Variants in LDAH observed in about 807,000 individuals in gnomAD.
LDAH encodes the protein lipid droplet-associated hydrolase.
A neutral mutation model predicts 29.6 loss-of-function variants in LDAH; 26 were observed. The observed-to-expected ratio is 0.88, with a 90% CI of 0.64 to 1.22. The LOEUF is 1.22. Among genes scored for constraint, LDAH ranks in the 50% most tolerant of loss-of-function variants. The pLI is 0.00. For synonymous variants in LDAH, 117 were observed against 133.0 expected (o/e 0.88, Z 0.83); for missense variants, 344 against 387.3 (o/e 0.89, Z 0.94).
intron 1 of LDAH, among the ~76,000 whole-genome samples, chr2:20,809,491 G>A (rs1672323875): frequency 6.6e-6 from 1 of 152,096 alleles, no homozygotes; most frequent in Admixed American, 6.5e-5. Flanking sequence ...CAGAAGGCAA[G>A]TCACAGAGTG....
At chr2:20,694,930 G>A (rs1267515625) in intron 6 of LDAH, among the ~76,000 whole-genome samples, 1 of 152,226 alleles carries the variant, frequency 6.6e-6, no homozygotes, top group Non-Finnish European at 1.5e-5. Context: ...GCACTGAGAT[G>A]CTAACCCAGG....
chr2:20,724,439 C>T (rs572908279), intron 5 of LDAH, among the ~76,000 whole-genome samples: 1 of 152,266 alleles, frequency 6.6e-6, no homozygotes, highest in African/African-American at 2.4e-5. Flanking sequence ...CAGCAGGTAT[C>T]AGTAAGGAAG....
At chr2:20,703,509 C>T (rs1172818605) in intron 5 of LDAH, among the ~76,000 whole-genome samples, 1 of 152,206 alleles carries the variant, frequency 6.6e-6, no homozygotes, top group Non-Finnish European at 1.5e-5. Context: ...TCTATTCTTA[C>T]TTAAATAATA....
At chr2:20,787,335 C>G (rs1572630957) in intron 3 of LDAH, among the ~76,000 whole-genome samples, 1 of 129,048 alleles carries the variant, frequency 7.7e-6, no homozygotes, top group Admixed American at 7.6e-5. Flanking sequence ...ATTCTGTCAC[C>G]TAGGCTGGAG....
chr2:20,769,634 TATTCTA>T (rs1209598187), intron 4 of LDAH, among the ~76,000 whole-genome samples: 1 of 152,250 alleles, frequency 6.6e-6, no homozygotes, highest in Non-Finnish European at 1.5e-5. Context: ...TCTAACATGT[TATTCTA>T]ATTCTTTTAG....
chr2:20,741,629 C>T (rs1409583110), intron 4 of LDAH, among the ~76,000 whole-genome samples: 3 of 152,214 alleles, frequency 2.0e-5, no homozygotes, highest in Non-Finnish European at 4.4e-5. Context: ...CATTCTCCCA[C>T]TGCCCACCAC....
At chr2:20,757,197 T>G (rs1000824625) in intron 4 of LDAH, among the ~76,000 whole-genome samples, 2 of 152,242 alleles carry the variant, frequency 1.3e-5, no homozygotes. Flanking sequence ...TTTGCTGATT[T>G]GCAAGCAGTA....
At chr2:20,697,992 T>C (rs1663619729) in intron 6 of LDAH, among the ~76,000 whole-genome samples, 1 of 152,240 alleles carries the variant, frequency 6.6e-6, no homozygotes, top group African/African-American at 2.4e-5. Context: ...TGCTATTATA[T>C]CTCATTATCC....
intron 3 of LDAH, among the ~76,000 whole-genome samples, chr2:20,784,811 T>C (rs1670434169): frequency 6.6e-6 from 1 of 152,040 alleles, no homozygotes; most frequent in Admixed American, 6.6e-5. Context: ...CACCTGATCC[T>C]GGCAGGTTGA....
At chr2:20,734,641 G>A (rs1666655427) in intron 5 of LDAH, among the ~76,000 whole-genome samples, 1 of 152,102 alleles carries the variant, frequency 6.6e-6, no homozygotes. Context: ...AAGAGACAGT[G>A]CTATAATTTT....
At chr2:20,688,887 T>C (rs1173778076) in intron 6 of LDAH, among the ~76,000 whole-genome samples, 4 of 144,186 alleles carry the variant, frequency 2.8e-5, no homozygotes, top group Middle Eastern at 3.7e-3. Context: ...ATGTGCAGAG[T>C]GTGCAGGTTT....
At chr2:20,720,664 G>T (rs182337550) in intron 5 of LDAH, among the ~76,000 whole-genome samples, 6 of 152,014 alleles carry the variant, frequency 3.9e-5, no homozygotes, top group Admixed American at 3.9e-4. Flanking sequence ...AATTGCTAAG[G>T]AATCCTAAGG....
chr2:20,796,130 G>A (rs1671290961), intron 2 of LDAH, among the ~76,000 whole-genome samples: 1 of 152,152 alleles, frequency 6.6e-6, no homozygotes, highest in Non-Finnish European at 1.5e-5. Context: ...TCCATTCTCA[G>A]TGTCTTCACT....
chr2:20,780,614 C>G (rs915416341), intron 3 of LDAH, among the ~76,000 whole-genome samples: 1 of 152,124 alleles, frequency 6.6e-6, no homozygotes, highest in Admixed American at 6.6e-5. Context: ...GGAGTCTGGA[C>G]TCGGTTCTGT....
intron 4 of LDAH, among the ~76,000 whole-genome samples, chr2:20,743,596 C>T (rs530917273): frequency 6.6e-6 from 1 of 152,206 alleles, no homozygotes; most frequent in South Asian, 2.1e-4. Context: ...TTATTTTGAA[C>T]AAACTTATCA....
intron 5 of LDAH, among the ~76,000 whole-genome samples, chr2:20,735,914 T>C (rs2149432525): frequency 6.6e-6 from 1 of 152,176 alleles, no homozygotes; most frequent in Non-Finnish European, 1.5e-5. Flanking sequence ...CACATGACCT[T>C]TACTGATAAT....
chr2:20,801,049 A>G (rs1473253497), intron 2 of LDAH, among the ~76,000 whole-genome samples: 1 of 152,112 alleles, frequency 6.6e-6, no homozygotes, highest in Admixed American at 6.6e-5. Flanking sequence ...CCACATTACA[A>G]AACTGCATAT....
At chr2:20,706,128 C>T (rs958561857) in intron 5 of LDAH, among the ~76,000 whole-genome samples, 6 of 151,922 alleles carry the variant, frequency 3.9e-5, no homozygotes, top group Admixed American at 3.3e-4. Context: ...TCTAGAGCTA[C>T]AAATAAGGCC....
At chr2:20,814,494 T>G (rs1672721233) in intron 1 of LDAH, among the ~76,000 whole-genome samples, 1 of 152,184 alleles carries the variant, frequency 6.6e-6, no homozygotes, top group African/African-American at 2.4e-5. Flanking sequence ...AGGATCTCAC[T>G]TTGTCACCCA....
Sources: gnomAD v4.1 joint callset for allele counts (sites outside exome capture counted in the v4.1 genomes callset) on GRCh38, gnomAD v4.1.1 for gene constraint, MANE v1.5 for transcripts, NCBI Gene and HGNC (gene_info 2026-07-23, HGNC 2026-07-21) for gene names.